MS4A14: variants seen among roughly 807,000 people sequenced by gnomAD.
The protein encoded by MS4A14 is membrane spanning 4-domains A14.
Under a neutral mutation model 16.7 loss-of-function variants are expected in MS4A14, and 18 were observed. The ratio of observed to expected loss-of-function variants is 1.08; its 90% confidence interval spans 0.75 to 1.60. The LOEUF is 1.60. MS4A14 is among the 40% of genes most tolerant of loss of function. The probability of loss-of-function intolerance (pLI) is 0.00; values close to 1 mark genes in which losing one functional copy is unlikely to be tolerated. For synonymous variants in MS4A14, 305 were observed against 289.4 expected, an observed-to-expected ratio of 1.05 and a Z score of -0.55; for missense variants, 812 against 775.3, an observed-to-expected ratio of 1.05 and a Z score of -0.56.
intron 2 of MS4A14, 145 bp downstream of exon 2, chr11:60,398,125 C>T (rs2085657694): frequency 2.8e-6 from 2 of 719,562 alleles, no homozygotes; most frequent in Non-Finnish European, 2.2e-6. Flanking sequence ...AGAAGCAACT[C>T]CATTTGGTCA....
At chr11:60,414,050 A>G (rs1010997193) in intron 4 of MS4A14, among the ~76,000 whole-genome samples, 2 of 152,142 alleles carry the variant, frequency 1.3e-5, no homozygotes, top group African/African-American at 4.8e-5. Flanking sequence ...GGGATGTCAT[A>G]CCAATTTTTG....
chr11:60,409,518 A>G (rs1384624368), intron 4 of MS4A14, among the ~76,000 whole-genome samples: 1 of 150,982 alleles, frequency 6.6e-6, no homozygotes, highest in East Asian at 1.9e-4. Context: ...TTATGGCTGA[A>G]TAGTATTCTA....
intron 4 of MS4A14, among the ~76,000 whole-genome samples, chr11:60,414,415 C>A (rs1187356986): frequency 2.0e-5 from 3 of 152,020 alleles, no homozygotes; most frequent in Non-Finnish European, 2.9e-5. Flanking sequence ...ACGAGGTAAG[C>A]ATAATTAATT....
Position 60,404,854 on chromosome 11 carries a change from A to C in MS4A14, c.468+1793A>C, listed in dbSNP as rs181080714. 5.1e-3 allele frequency among the ~76,000 whole-genome samples: 780 copies of C among 152,310 alleles called. 5 individuals are homozygous for C. Among genetic ancestry groups the C allele is most frequent in the Non-Finnish European group, 8.8e-3 (600 of 68,030 alleles). On this transcript the variant is annotated intron_variant, in intron 4 of 4. Coordinates refer to ENST00000300187, the MANE Select transcript of MS4A14 (RefSeq NM_032597.5). Reference sequence around the variant, plus strand: ...TAGTTAGGTAAATAATTATCTAATTACTTGTTATTGTCTGCCTCCCTTACC... The same window carrying C: ...TAGTTAGGTAAATAATTATCTAATTCCTTGTTATTGTCTGCCTCCCTTACC...
chr11:60,407,780 T>G (rs1240500535), intron 4 of MS4A14, among the ~76,000 whole-genome samples: 1 of 152,232 alleles, frequency 6.6e-6, no homozygotes, highest in African/African-American at 2.4e-5. Context: ...ATCTTCTTAT[T>G]GGCCTTATAG....
At chr11:60,413,901 A>G (rs1331488336) in intron 4 of MS4A14, among the ~76,000 whole-genome samples, 1 of 152,126 alleles carries the variant, frequency 6.6e-6, no homozygotes, top group Non-Finnish European at 1.5e-5. Context: ...CATAGATCAG[A>G]GAGGAAAGCA....
chr11:60,402,222 T>G (rs1451419234), intron 3 of MS4A14, among the ~76,000 whole-genome samples: 3 of 149,458 alleles, frequency 2.0e-5, no homozygotes, highest in African/African-American at 7.4e-5. Context: ...TGGGGCAGTG[T>G]GAAATATTTT....
In MS4A14 at chr11:60,416,362, T is replaced by A. The variant is rs139435636; in HGVS notation, c.1394T>A (p.Met465Lys). The change falls in exon 5 of 5, where the codon ATG (methionine) becomes AAG (lysine). Residue 465 changes from methionine to lysine, a missense_variant. Coordinates refer to ENST00000300187, the MANE Select transcript of MS4A14 (RefSeq NM_032597.5). ...TATCAAGATATTAGATCAGAAGTTA[T>A]GGAAGAGACCAAAGAATGGAAATCT... ...MSYQDIRSEVMEETKEWKSEE... is the reference protein window; with the variant it reads ...MSYQDIRSEVKEETKEWKSEE... 104 of 1,613,966 alleles carry A rather than the reference T, an allele frequency of 6.4e-5. No homozygotes were observed. The African/African-American group carries it at 1.1e-3, about 17-fold the overall frequency.
chr11:60,408,766 G>A (rs1159354945), intron 4 of MS4A14, among the ~76,000 whole-genome samples: 2 of 152,046 alleles, frequency 1.3e-5, no homozygotes, highest in Admixed American at 6.6e-5. Context: ...TACGAACATT[G>A]GTGTAAAAAT....
intron 4 of MS4A14, 84 bp from the exon 5 acceptor site, chr11:60,415,353 C>G (rs2085922188): frequency 1.4e-6 from 2 of 1,438,090 alleles, no homozygotes. Context: ...TGTCTTAAGT[C>G]AGAAATGAAA....
rs2085658339 is a variant in MS4A14, at chr11:60,398,155, G to T, written c.267+175G>T. On this transcript the variant is annotated intron_variant, in intron 2 of 4. Coordinates refer to ENST00000300187, the MANE Select transcript of MS4A14 (RefSeq NM_032597.5). Reference sequence around the variant, plus strand: ...TGGTCACTGCACTACCATCATCATTGTAATAACTACTCTCAGGTGCTTAAA... The same window carrying T: ...TGGTCACTGCACTACCATCATCATTTTAATAACTACTCTCAGGTGCTTAAA... 10 of 549,714 alleles carry T rather than the reference G, an allele frequency of 1.8e-5. No homozygotes were observed. The Admixed American group carries it at 3.4e-4, about 19-fold the overall frequency. 34.1% of individuals were successfully genotyped at this position (549,714 alleles called of 1,614,324 possible). A position where few individuals can be genotyped will look rare whatever the true frequency, so the allele number is the denominator to read the frequency against.
intron 4 of MS4A14, chr11:60,406,008 ATAT>A: frequency 7.1e-7 from 1 of 1,415,660 alleles, no homozygotes; most frequent in Non-Finnish European, 9.3e-7. Flanking sequence ...ATGTCTCTTA[ATAT>A]TATTAAGAGA....
chr11:60,404,675 T>A (rs2085762195), intron 4 of MS4A14: 2 of 442,246 alleles, frequency 4.5e-6, no homozygotes, highest in South Asian at 3.3e-5. Context: ...AGGCCAGTTA[T>A]ACAATTAACT....
intron 4 of MS4A14, among the ~76,000 whole-genome samples, chr11:60,408,611 A>G (rs770205630): frequency 5.3e-5 from 8 of 152,218 alleles, no homozygotes; most frequent in Non-Finnish European, 7.3e-5. Flanking sequence ...TTCAAGATTA[A>G]TCCATGTTGT....
chr11:60,397,763 G>A lies in MS4A14; in HGVS notation c.139-89G>A, dbSNP rs2085648844. 4 of 1,279,050 alleles carry A rather than the reference G, an allele frequency of 3.1e-6. No homozygotes were observed. The East Asian group carries it at 9.6e-5, about 31-fold the overall frequency. 79.2% of individuals were successfully genotyped at this position (1,279,050 alleles called of 1,614,324 possible). Reference sequence around the variant, plus strand: ...AAGGCATTTGGATGGAGGGAAAGGTGTGCCATGGAGGCACACCCTGAGGGA... The same window carrying A: ...AAGGCATTTGGATGGAGGGAAAGGTATGCCATGGAGGCACACCCTGAGGGA... On this transcript the variant is annotated intron_variant, in intron 1 of 4. Transcript: ENST00000300187.
chr11:60,415,586 T>C lies in MS4A14; in HGVS notation c.618T>C (p.Ala206=). The change falls in exon 5 of 5, where the codon GCT becomes GCC. Residue 206 remains alanine, a synonymous_variant. Coordinates refer to ENST00000300187, the MANE Select transcript of MS4A14 (RefSeq NM_032597.5). The part of the protein sequence containing the change: ...NAQSVIFGGY[A]FFKLTLSRSP... ...AATCTGTTATCTTTGGAGGCTATGC[T>C]TTCTTCAAGTTAACACTCTCTAGGA... The C allele has an allele frequency of 1.2e-6, 2 of 1,613,832 alleles. No individual in the cohort carries two copies. The highest frequency in any genetic ancestry group is 4.5e-5 in the East Asian group (2 of 44,870).
chr11:60,401,935 A>C (rs1004687062), intron 3 of MS4A14, among the ~76,000 whole-genome samples: 1 of 152,240 alleles, frequency 6.6e-6, no homozygotes, highest in African/African-American at 2.4e-5. Context: ...TTGCCACACC[A>C]AGCCACAAAC....
intron 4 of MS4A14, among the ~76,000 whole-genome samples, chr11:60,411,656 C>G (rs1040940652): frequency 6.6e-6 from 1 of 152,134 alleles, no homozygotes; most frequent in African/African-American, 2.4e-5. Context: ...GGTCTAGTAG[C>G]TTTCCTGTGG....
intron 4 of MS4A14, chr11:60,406,027 T>A: frequency 7.3e-6 from 9 of 1,237,728 alleles, no homozygotes; most frequent in Non-Finnish European, 9.7e-6. Flanking sequence ...AGAGAACAGG[T>A]TCCTGTTCCT....
Sources: gnomAD v4.1 joint callset for allele counts (sites outside exome capture counted in the v4.1 genomes callset) on GRCh38, gnomAD v4.1.1 for gene constraint, MANE v1.5 for transcripts, NCBI Gene and HGNC (gene_info 2026-07-23, HGNC 2026-07-21) for gene names.